TENM2: variants seen among roughly 807,000 people sequenced by gnomAD.
TENM2 encodes teneurin transmembrane protein 2.
Under a neutral mutation model 245.2 loss-of-function variants are expected in TENM2, and 52 were observed. The observed-to-expected ratio is 0.21, with a 90% confidence interval of 0.17 to 0.27. TENM2 has a LOEUF of 0.27. Among genes scored for constraint, TENM2 ranks in the 10% least tolerant of loss-of-function variants. TENM2 has a pLI of 1.00. For synonymous variants in TENM2, 1,363 were observed against 1,438.9 expected (o/e 0.95, Z 1.19); for missense variants, 3,046 against 3,666.8 (o/e 0.83, Z 4.37).
chr5:168,128,588 C>G (rs147356200), intron 12 of TENM2, among the ~76,000 whole-genome samples: 18 of 152,364 alleles, frequency 1.2e-4, no homozygotes, highest in African/African-American at 4.3e-4. Flanking sequence ...CACAATGATG[C>G]CTGCTGGCTC....
chr5:168,071,153 G>A (rs1282665582), intron 7 of TENM2, among the ~76,000 whole-genome samples: 1 of 152,144 alleles, frequency 6.6e-6, no homozygotes, highest in East Asian at 1.9e-4. Flanking sequence ...GCCTTTCTGT[G>A]CCTCAGTTAC....
At chr5:167,550,698 TAGTGTGTGTGTGTGTGTG>T (rs1562047635) in intron 2 of TENM2, among the ~76,000 whole-genome samples, 1 of 102,420 alleles carries the variant, frequency 9.8e-6, no homozygotes, top group African/African-American at 3.7e-5. Flanking sequence ...TTGTTGTTGT[TAGTGTGTGTGTGTGTGTG>T]TGTGTGTGTG....
At chr5:168,079,274 T>C (rs1440258307) in intron 7 of TENM2, among the ~76,000 whole-genome samples, 1 of 152,280 alleles carries the variant, frequency 6.6e-6, no homozygotes, top group African/African-American at 2.4e-5. Context: ...TTTTGCACAT[T>C]GATTTTGTAT....
chr5:167,400,226 T>C (rs573984142), intron 2 of TENM2, among the ~76,000 whole-genome samples: 2 of 152,114 alleles, frequency 1.3e-5, no homozygotes, highest in African/African-American at 2.4e-5. Flanking sequence ...CAAGAGTTGA[T>C]AATGGTCCCA....
chr5:168,137,009 T>G (rs759402297), intron 12 of TENM2, among the ~76,000 whole-genome samples: 1 of 152,148 alleles, frequency 6.6e-6, no homozygotes, highest in African/African-American at 2.4e-5. Flanking sequence ...CCAAACAGTT[T>G]CAGCACAGCT....
At position 167,872,532 on chromosome 5, in the gene TENM2, GAAAGAAAGAAAGAAAGAGAA is replaced by G. The variant is rs1345492489; in HGVS notation, c.503-3452_503-3433del. On this transcript the variant is annotated intron_variant, in intron 2 of 28. Transcript: ENST00000518659. ...AGAAAGAAAGAAAGAAAGAAAGAAA[GAAAGAAAGAAAGAAAGAGAA>G]AGAAAGAAAGAAAGAAAGAAAGAAA... Among the ~76,000 whole-genome samples the G allele has an allele frequency of 3.0e-3, 151 of 51,044 alleles. 1 individual carries two copies. The highest frequency in any genetic ancestry group is 5.2e-3 in the African/African-American group (96 of 18,614). 33.5% of individuals were successfully genotyped at this position (51,044 alleles called of 152,430 possible).
intron 11 of TENM2, 21 bp downstream of exon 13, chr5:168,125,071 C>T (rs1233840807): frequency 1.3e-6 from 2 of 1,587,104 alleles, no homozygotes; most frequent in Non-Finnish European, 1.7e-6. Flanking sequence ...AGGTTTTCTC[C>T]TTCCTCTCTC....
rs147637557 is a variant in TENM2, at chr5:167,946,581, G to T, written c.713-6007G>T. ...ATGTGCAAAGAAATGAGTCCAGGCT[G>T]TTTTCCTCTGTATTTGCTAGGCATA... On this transcript the variant is annotated intron_variant, in intron 3 of 28. Coordinates refer to ENST00000518659, the Ensembl canonical transcript of TENM2. Among the ~76,000 whole-genome samples, 793 of 152,302 alleles carry T rather than the reference G, an allele frequency of 5.2e-3. 12 individuals are homozygous for T. Among genetic ancestry groups the T allele is most frequent in the Non-Finnish European group, 5.0e-3 (338 of 68,034 alleles).
At chr5:167,876,265 G>T (rs1000583239) in intron 3 of TENM2, 70 bp downstream of exon 5, 2 of 1,314,972 alleles carry the variant, frequency 1.5e-6, no homozygotes, top group Non-Finnish European at 2.1e-6. Flanking sequence ...CCACCAAAAT[G>T]ACAATGCTGA....
intron 19 of TENM2, among the ~76,000 whole-genome samples, chr5:168,208,315 A>T (rs1357318091): frequency 3.3e-5 from 5 of 152,202 alleles, no homozygotes; most frequent in African/African-American, 1.2e-4. Context: ...TTATGATATT[A>T]AACATGCTTT....
the TENM2 span, among the ~76,000 whole-genome samples, chr5:167,247,965 A>T: frequency 1.3e-5 from 2 of 152,114 alleles, no homozygotes; most frequent in Admixed American, 6.6e-5. Context: ...TGAAATGCTT[A>T]AAAAAATGGT....
At chr5:167,094,931 G>T in the TENM2 span, among the ~76,000 whole-genome samples, 6 of 152,130 alleles carry the variant, frequency 3.9e-5, no homozygotes, top group African/African-American at 1.4e-4. Context: ...GGCTTCTATT[G>T]TGTACCAGGC....
chr5:167,787,001 C>T (rs985204120), intron 2 of TENM2, among the ~76,000 whole-genome samples: 1 of 152,214 alleles, frequency 6.6e-6, no homozygotes, highest in Non-Finnish European at 1.5e-5. Context: ...AGGTATTAAG[C>T]ACTTAAATAC....
intron 2 of TENM2, among the ~76,000 whole-genome samples, chr5:167,651,300 T>A (rs1754446977): frequency 6.6e-6 from 1 of 151,856 alleles, no homozygotes; most frequent in South Asian, 2.1e-4. Context: ...TCAGAAAAAA[T>A]ATTTGTCTGA....
chr5:167,084,438 A>G, the TENM2 span, among the ~76,000 whole-genome samples: 1 of 146,798 alleles, frequency 6.8e-6, no homozygotes, highest in East Asian at 2.0e-4. Context: ...AGTAACAGCA[A>G]CAACACCAGC....
intron 7 of TENM2, among the ~76,000 whole-genome samples, chr5:168,081,730 CT>C (rs1792021883): frequency 6.6e-6 from 1 of 152,140 alleles, no homozygotes; most frequent in Non-Finnish European, 1.5e-5. Context: ...GTTGAAAATT[CT>C]TTTCTTTAAG....
intron 2 of TENM2, among the ~76,000 whole-genome samples, chr5:167,588,435 T>C (rs918780506): frequency 7.2e-5 from 11 of 152,232 alleles, no homozygotes; most frequent in African/African-American, 2.7e-4. Flanking sequence ...AATGGGTGTA[T>C]TGTGTGAAAT....
the TENM2 span, among the ~76,000 whole-genome samples, chr5:167,267,218 C>T: frequency 6.6e-6 from 1 of 152,114 alleles, no homozygotes; most frequent in Non-Finnish European, 1.5e-5. Context: ...GTCATTCTTC[C>T]CAGCAATCCT....
chr5:167,656,220 G>A (rs568790159), intron 2 of TENM2, among the ~76,000 whole-genome samples: 15 of 152,208 alleles, frequency 9.9e-5, no homozygotes, highest in Admixed American at 8.5e-4. Flanking sequence ...TCATTGGAAG[G>A]GCAGCAGAGG....
Sources: allele counts gnomAD v4.1 joint callset (sites outside exome capture counted in the v4.1 genomes callset), GRCh38; gene constraint gnomAD v4.1.1; transcripts MANE v1.5; gene names NCBI Gene and HGNC (gene_info 2026-07-23, HGNC 2026-07-21).